CNTNAP4: variants seen among roughly 807,000 people sequenced by gnomAD.
CNTNAP4 encodes contactin-associated protein-like 4.
CNTNAP4 carries 98 observed loss-of-function variants against 148.4 expected under a neutral mutation model. That is an observed-to-expected ratio of 0.66 (90% CI 0.56 to 0.78). The LOEUF is 0.78. Ranked by LOEUF, CNTNAP4 falls within the 30% of genes least tolerant of loss-of-function variation. The pLI, the probability that CNTNAP4 is intolerant of heterozygous loss-of-function variation, is 0.00. For synonymous variants in CNTNAP4, 730 were observed against 565.1 expected, an observed-to-expected ratio of 1.29 and a Z score of -4.14; for missense variants, 1,935 against 1,565.6, an observed-to-expected ratio of 1.24 and a Z score of -3.98.
chr16:76,435,020 C>T (rs961770125), intron 4 of CNTNAP4, among the ~76,000 whole-genome samples: 2 of 152,068 alleles, frequency 1.3e-5, no homozygotes, highest in African/African-American at 2.4e-5. Flanking sequence ...TTTTCCTTTC[C>T]CCAGTGCACA....
intron 4 of CNTNAP4, among the ~76,000 whole-genome samples, chr16:76,440,422 A>C (rs2079988572): frequency 6.6e-6 from 1 of 152,176 alleles, no homozygotes; most frequent in East Asian, 1.9e-4. Context: ...TCACAGAATC[A>C]ATTTATCCCG....
chr16:76,483,793 G>A (rs2081927801), intron 12 of CNTNAP4, among the ~76,000 whole-genome samples: 1 of 152,132 alleles, frequency 6.6e-6, no homozygotes, highest in Non-Finnish European at 1.5e-5. Context: ...TGTCAGGCAG[G>A]CCAAATTTTT....
At chr16:76,521,382 A>G (rs780796953) in intron 16 of CNTNAP4, 72 bp downstream of exon 16, 6 of 1,248,252 alleles carry the variant, frequency 4.8e-6, no homozygotes, top group Non-Finnish European at 6.6e-6. Context: ...TAATTTTTAA[A>G]CTACTCATGT....
intron 14 of CNTNAP4, 100 bp from the exon 15 acceptor site, chr16:76,498,467 C>T (rs2082484817): frequency 1.1e-6 from 1 of 909,394 alleles, no homozygotes; most frequent in South Asian, 1.9e-5. Context: ...GATCCATACT[C>T]TTTTGTAGGT....
chr16:76,345,983 C>G (rs919587830), intron 2 of CNTNAP4, among the ~76,000 whole-genome samples: 2 of 152,150 alleles, frequency 1.3e-5, no homozygotes, highest in Non-Finnish European at 2.9e-5. Context: ...AGCCAGGGAA[C>G]AAGCCCTTAC....
intron 2 of CNTNAP4, among the ~76,000 whole-genome samples, chr16:76,317,302 C>G (rs1324865282): frequency 3.8e-5 from 4 of 104,334 alleles, no homozygotes; most frequent in African/African-American, 1.8e-4. Context: ...CCCAAAAAAC[C>G]CCCCAAAAAA....
rs966744087 is a variant in CNTNAP4 at position 76,527,074 on chromosome 16, T to C, written c.2755+4817T>C. On this transcript the variant is annotated intron_variant, in intron 17 of 23. Transcript: ENST00000611870. The stretch of plus-strand genomic sequence containing the variant: ...TTTCCTGGCTCCACAATCCAAATTA[T>C]ATACCACAAGCCATAAGCTTGCCAG... 3.9e-5 allele frequency among the ~76,000 whole-genome samples: 6 copies of C among 152,282 alleles called. No individual in the cohort carries two copies. In the South Asian group the frequency reaches 8.3e-4, roughly 21 times the overall value.
chr16:76,506,265 T>C lies in CNTNAP4; in HGVS notation c.2365+7571T>C, dbSNP rs79279704. ...CCTCCACTTTAGCATGTATAAAAAT[T>C]ACTTGGAGAGCTTGTTGTAGCACAG... On this transcript the variant is annotated intron_variant, in intron 15 of 23. Coordinates refer to ENST00000611870, the MANE Select transcript of CNTNAP4 (RefSeq NM_033401.5). 4.3e-3 allele frequency among the ~76,000 whole-genome samples: 409 copies of C among 95,246 alleles called. 53 individuals are homozygous for C. Among genetic ancestry groups the C allele is most frequent in the African/African-American group, 0.01 (394 of 38,420 alleles). 62.5% of individuals were successfully genotyped at this position (95,246 alleles called of 152,430 possible). A position where few individuals can be genotyped will look rare whatever the true frequency, so the allele number is the denominator to read the frequency against.
At chr16:76,473,724 A>G (rs1211172619) in intron 10 of CNTNAP4, among the ~76,000 whole-genome samples, 1 of 152,184 alleles carries the variant, frequency 6.6e-6, no homozygotes, top group Non-Finnish European at 1.5e-5. Flanking sequence ...CAGTGAGCCA[A>G]GATCGCGCCA....
intron 2 of CNTNAP4, among the ~76,000 whole-genome samples, chr16:76,352,567 C>G (rs184888413): frequency 4.1e-4 from 63 of 152,274 alleles, no homozygotes; most frequent in African/African-American, 1.3e-3. Context: ...AGTGTTCAAA[C>G]TCTTTGTATC....
rs58556090 is a variant in CNTNAP4, at chr16:76,510,469, C to CT, written c.2366-10661dup. On this transcript the variant is annotated intron_variant, in intron 15 of 23. Coordinates refer to ENST00000611870, the MANE Select transcript of CNTNAP4 (RefSeq NM_033401.5). ...AGGCTTCTGTGGACATCCATGTATGCTTTTTTTTTTGTGGACAAAGGCTTT... is the reference window on the plus strand; with the variant it reads ...AGGCTTCTGTGGACATCCATGTATGCTTTTTTTTTTTGTGGACAAAGGCTTT... Among the ~76,000 whole-genome samples the CT allele has an allele frequency of 6.9e-3, 1,028 of 149,172 alleles. 12 individuals carry two copies. The highest frequency in any genetic ancestry group is 0.021 in the African/African-American group (864 of 40,934).
intron 15 of CNTNAP4, among the ~76,000 whole-genome samples, chr16:76,501,566 C>A (rs2082643778): frequency 6.6e-6 from 1 of 152,132 alleles, no homozygotes; most frequent in African/African-American, 2.4e-5. Flanking sequence ...TGTTCGGAGA[C>A]ATTGTTGGTT....
chr16:76,447,709 G>T (rs769361658), intron 4 of CNTNAP4, among the ~76,000 whole-genome samples: 1 of 152,126 alleles, frequency 6.6e-6, no homozygotes, highest in African/African-American at 2.4e-5. Flanking sequence ...TTATAAAATG[G>T]TTTTTGTGTT....
chr16:76,375,461 G>A (rs1205313075), intron 3 of CNTNAP4, among the ~76,000 whole-genome samples: 2 of 152,082 alleles, frequency 1.3e-5, no homozygotes, highest in Admixed American at 6.5e-5. Flanking sequence ...ATTCTATCTC[G>A]TCCTACTTTG....
At chr16:76,473,016 C>G (rs1008431896) in intron 10 of CNTNAP4, among the ~76,000 whole-genome samples, 4 of 152,040 alleles carry the variant, frequency 2.6e-5, no homozygotes, top group African/African-American at 4.8e-5. Context: ...AGGGGGGAAG[C>G]CTTCTCTGAA....
chr16:76,474,697 A>G (rs1180467903), intron 10 of CNTNAP4, among the ~76,000 whole-genome samples: 1 of 152,130 alleles, frequency 6.6e-6, no homozygotes, highest in Admixed American at 6.5e-5. Flanking sequence ...CAAAAATCTG[A>G]TTAGGGCTAT....
chr16:76,296,778 T>C (rs774360711), intron 1 of CNTNAP4, among the ~76,000 whole-genome samples: 1 of 152,194 alleles, frequency 6.6e-6, no homozygotes, highest in Non-Finnish European at 1.5e-5. Flanking sequence ...CAGCCAAAGA[T>C]GAATGCTATT....
intron 2 of CNTNAP4, among the ~76,000 whole-genome samples, chr16:76,333,349 C>T (rs769085782): frequency 2.6e-5 from 4 of 152,176 alleles, no homozygotes; most frequent in Non-Finnish European, 5.9e-5. Context: ...AATATTTCTT[C>T]TCTCTGCTCA....
At chr16:76,466,333 A>G (rs1043100400) in intron 9 of CNTNAP4, among the ~76,000 whole-genome samples, 3 of 152,172 alleles carry the variant, frequency 2.0e-5, no homozygotes, top group Admixed American at 2.0e-4. Context: ...AATAAGACCT[A>G]CTATAGGATA....
Sources: allele counts gnomAD v4.1 joint callset (sites outside exome capture counted in the v4.1 genomes callset), GRCh38; gene constraint gnomAD v4.1.1; transcripts MANE v1.5; gene names NCBI Gene and HGNC (gene_info 2026-07-23, HGNC 2026-07-21).